The following TLE6 variants were observed in gnomAD, a reference collection of about 807,000 sequenced individuals.
TLE6 encodes TLE family member 6, subcortical maternal complex member, also known as transducin-like enhancer protein 6.
In TLE6, 72 loss-of-function variants were observed where a neutral mutation model predicts 77.1. That is an observed-to-expected ratio of 0.93 (90% CI 0.77 to 1.14). The LOEUF (loss-of-function observed/expected upper bound fraction) is 1.14. TLE6 is among the 50% of genes most tolerant of loss of function. The probability of loss-of-function intolerance (pLI) is 0.00; values close to 1 mark genes in which losing one functional copy is unlikely to be tolerated. For missense variants in TLE6, 843 were observed against 747.6 expected, an observed-to-expected ratio of 1.13 and a Z score of -1.49; for synonymous variants, 366 against 287.3, an observed-to-expected ratio of 1.27 and a Z score of -2.77.
At chr19:2,979,964 CAAAA>C (rs58993753) in intron 2 of TLE6, 132 bp from the exon 3 acceptor site, 240 of 368,294 alleles carry the variant, frequency 6.5e-4, no homozygotes, top group East Asian at 1.2e-3. Flanking sequence ...ACTCGGTTTC[CAAAA>C]AAAAAAAAAA....
At chr19:2,981,471 T>C (rs1568208864) in intron 3 of TLE6, 67 bp from the exon 4 acceptor site, 2 of 1,512,216 alleles carry the variant, frequency 1.3e-6, no homozygotes, top group Non-Finnish European at 9.0e-7. Context: ...GGGTTGAGGG[T>C]GGGGCTCACT....
At chr19:2,986,745 T>C in intron 5 of TLE6, 84 bp from the exon 6 acceptor site, 11 of 1,343,358 alleles carry the variant, frequency 8.2e-6, no homozygotes, top group Non-Finnish European at 1.1e-5. Context: ...TACCTTCTTC[T>C]ACAGGTGGGG....
At chr19:2,981,971 GA>G (rs569320638) in intron 4 of TLE6, among the ~76,000 whole-genome samples, 176 bp from the exon 5 acceptor site, 1 of 151,020 alleles carries the variant, frequency 6.6e-6, no homozygotes. Flanking sequence ...TCTCTCTGAG[GA>G]AAAAAAAGGT....
At position 2,978,265 on chromosome 19, in the gene TLE6, G is replaced by C; in HGVS notation, c.32G>C (p.Gly11Ala). The C allele has an allele frequency of 6.4e-7, 1 of 1,551,416 alleles. No homozygotes were observed. The highest frequency in any genetic ancestry group is 8.7e-7 in the Non-Finnish European group (1 of 1,146,970). The change falls in exon 2 of 17, where the codon GGC becomes GCC. Residue 11 changes from glycine to alanine, a missense_variant. Coordinates refer to ENST00000246112, the MANE Select transcript of TLE6 (RefSeq NM_001143986.2). ...TCTAGGGACCAGCCCAGACCCAAGG[G>C]CCCCCCGAAAAGCACTTCGGTGAGG... Reference protein sequence around the residue: MTSRDQPRPKGPPKSTSPCPG... With the variant: MTSRDQPRPKAPPKSTSPCPG...
chr19:2,987,177 C>A lies in TLE6; in HGVS notation c.480C>A (p.Thr160=). 3 of 1,614,094 alleles carry A rather than the reference C, an allele frequency of 1.9e-6. No homozygotes were observed. The highest frequency in any genetic ancestry group is 2.5e-6 in the Non-Finnish European group (3 of 1,180,042). Residue 160 remains threonine (T), a synonymous_variant, in exon 7 of 17, where the codon ACC becomes ACA. Transcript: ENST00000246112. ...KEPWFWHDTL[T]EQLWRIFAGV... ...CTTGGTTTTGGCACGACACTCTGAC[C>A]GAGCAACTCTGGCGGATTTTTGCCG... is the stretch of plus-strand genomic sequence containing the variant.
At chr19:2,994,466 T>C (rs1262154328) in intron 16 of TLE6, among the ~76,000 whole-genome samples, 6 of 151,860 alleles carry the variant, frequency 4.0e-5, no homozygotes, top group African/African-American at 1.2e-4. Flanking sequence ...AAAAATTAGT[T>C]GGGCGTGGTG....
intron 13 of TLE6, among the ~76,000 whole-genome samples, chr19:2,991,251 C>A (rs1198684167): frequency 1.3e-5 from 2 of 150,006 alleles, no homozygotes; most frequent in Admixed American, 1.3e-4. Context: ...GCCAGCTACT[C>A]GGGAGGCTGA....
rs555455107 is a variant in TLE6 at position 2,989,190 on chromosome 19, C to T, written c.870C>T (p.Leu290=). 8.1e-6 allele frequency: 13 copies of T among 1,614,098 alleles called. No homozygotes were observed. Among genetic ancestry groups the T allele is most frequent in the Admixed American group, 3.3e-5 (2 of 60,016 alleles). Residue 290 remains leucine (L), a synonymous_variant, in exon 12 of 17, where the codon CTC becomes CTT. Coordinates refer to ENST00000246112, the MANE Select transcript of TLE6 (RefSeq NM_001143986.2). ...MRILAHGELV[L]ATAISSFTRH... ...TCTTGGCACACGGGGAGCTCGTGCT[C>T]GCCACGGCCATCAGCAGCTTCACGC...
At chr19:2,980,874 A>T (rs2088784340) in intron 3 of TLE6, among the ~76,000 whole-genome samples, 1 of 151,504 alleles carries the variant, frequency 6.6e-6, no homozygotes, top group African/African-American at 2.4e-5. Flanking sequence ...ACATAGCGAG[A>T]TGCCATCTCT....
chr19:2,993,481 TG>T lies in TLE6; in HGVS notation c.1438del (p.Ala480ProfsTer26). On this transcript the variant is annotated frameshift_variant, in exon 15 of 17. Transcript: ENST00000246112. LOFTEE classifies it high-confidence loss of function. Reference sequence around the variant, plus strand: ...CAGGAGGACTGGGTGCTGCTGGGCATGGCCAATGGCCAGCAGTGGCTGCAAA... The same window carrying T: ...CAGGAGGACTGGGTGCTGCTGGGCATGCCAATGGCCAGCAGTGGCTGCAAA... Reference protein sequence around the residue: ...SPQEDWVLLGMANGQQWLQST... With the variant: ...SPQEDWVLLGXANGQQWLQST... The T allele has an allele frequency of 6.2e-7, 1 of 1,601,778 alleles. No individual in the cohort carries two copies. The highest frequency in any genetic ancestry group is 8.5e-7 in the Non-Finnish European group (1 of 1,170,694).
At chr19:2,990,681 A>G (rs1242890401) in intron 13 of TLE6, among the ~76,000 whole-genome samples, 4 of 146,036 alleles carry the variant, frequency 2.7e-5, no homozygotes, top group Non-Finnish European at 6.0e-5. Flanking sequence ...AAATATATAC[A>G]TAAATATATA....
intron 5 of TLE6, among the ~76,000 whole-genome samples, chr19:2,986,519 G>A (rs2088913921): frequency 6.6e-6 from 1 of 151,972 alleles, no homozygotes; most frequent in Non-Finnish European, 1.5e-5. Flanking sequence ...TTGGAGACCA[G>A]CCTGGCCAAC....
chr19:2,985,884 C>A (rs568941995), intron 5 of TLE6, among the ~76,000 whole-genome samples: 1 of 145,578 alleles, frequency 6.9e-6, no homozygotes, highest in Non-Finnish European at 1.5e-5. Context: ...AAGACCAGCC[C>A]GGCCAACATG....
rs1296258036 is a variant in TLE6 at position 2,987,241 on chromosome 19, G to C, written c.541+3G>C. 6.2e-7 allele frequency: 1 copy of C among 1,614,166 alleles called. No individual in the cohort carries two copies. On this transcript the variant is annotated splice_donor_region_variant and intron_variant, in intron 7 of 16. Transcript: ENST00000246112. ...GAAGGCAAAGCCCAGAGACAGACGT[G>C]AGTGTCCCTGAGGGTGAGGGGGAAG...
intron 13 of TLE6, among the ~76,000 whole-genome samples, chr19:2,991,096 G>A (rs1178644616): frequency 1.4e-5 from 2 of 148,014 alleles, no homozygotes; most frequent in Non-Finnish European, 3.0e-5. Flanking sequence ...GGGCATGGTG[G>A]CTCATGCCTG....
At chr19:2,993,388 T>G in intron 14 of TLE6, 44 bp from the exon 15 acceptor site, 2 of 1,562,772 alleles carry the variant, frequency 1.3e-6, no homozygotes. Flanking sequence ...TGGGCCAGGC[T>G]GGGACCTAAC....
chr19:2,978,945 T>A (rs1352811857), intron 2 of TLE6, among the ~76,000 whole-genome samples: 1 of 152,102 alleles, frequency 6.6e-6, no homozygotes, highest in Non-Finnish European at 1.5e-5. Flanking sequence ...ATATTTTGTT[T>A]TGAGACTTTA....
At chr19:2,988,959 C>G in intron 11 of TLE6, 102 bp from the exon 12 acceptor site, 1 of 1,528,186 alleles carries the variant, frequency 6.5e-7, no homozygotes, top group Non-Finnish European at 8.8e-7. Flanking sequence ...GAGAGGGACC[C>G]CAAAATCTGA....
intron 2 of TLE6, among the ~76,000 whole-genome samples, chr19:2,979,807 CG>C (rs2088757980): frequency 2.5e-5 from 1 of 39,758 alleles, no homozygotes; most frequent in African/African-American, 9.9e-5. Context: ...GGTGTGTTGC[CG>C]GGGGCGGGCG....
Sources: allele counts gnomAD v4.1 joint callset (sites outside exome capture counted in the v4.1 genomes callset), GRCh38; gene constraint gnomAD v4.1.1; transcripts MANE v1.5; gene names NCBI Gene and HGNC (gene_info 2026-07-23, HGNC 2026-07-21).